Variants in MTMR10 observed in about 807,000 individuals in gnomAD.
The protein encoded by MTMR10 is myotubularin related protein 10.
A neutral mutation model predicts 88.1 loss-of-function variants in MTMR10; 56 were observed. The ratio of observed to expected loss-of-function variants is 0.64; its 90% CI spans 0.51 to 0.79. The LOEUF is 0.79. MTMR10 is among the 30% of genes least tolerant of loss of function. MTMR10 has a pLI of 0.00. For missense variants in MTMR10, 883 were observed against 924.7 expected (o/e 0.95, Z 0.58); for synonymous variants, 380 against 340.9 (o/e 1.11, Z -1.26).
intron 6 of MTMR10, chr15:30,966,094 A>G (rs986783499): frequency 1.3e-5 from 6 of 452,200 alleles, no homozygotes; most frequent in Admixed American, 4.7e-5. Context: ...GAATCTTAAC[A>G]AAACTATGGC....
rs527898060 is a variant in MTMR10 at position 30,982,252 on chromosome 15, T to C, written c.122-5297A>G. Among the ~76,000 whole-genome samples, 33 of 152,174 alleles carry C rather than the reference T, an allele frequency of 2.2e-4. No homozygotes were observed. The South Asian group carries it at 5.8e-3, about 27-fold the overall frequency. On this transcript the variant is annotated intron_variant, in intron 2 of 15. Coordinates refer to ENST00000435680, the MANE Select transcript of MTMR10 (RefSeq NM_017762.3). Reference sequence around the variant, plus strand: ...TGAACCTGAAACAGGTAAAGAACATTTGTGGAAAAACTAGGGAAATACGAA... The same window carrying C: ...TGAACCTGAAACAGGTAAAGAACATCTGTGGAAAAACTAGGGAAATACGAA...
At chr15:30,918,751 T>C in the MTMR10 span, among the ~76,000 whole-genome samples, 1 of 152,262 alleles carries the variant, frequency 6.6e-6, no homozygotes, top group African/African-American at 2.4e-5. Context: ...TTTATTTTGT[T>C]GAAAATGGTA....
At chr15:30,951,407 G>A (rs1333224255) in intron 12 of MTMR10, among the ~76,000 whole-genome samples, 1 of 152,150 alleles carries the variant, frequency 6.6e-6, no homozygotes, top group Non-Finnish European at 1.5e-5. Flanking sequence ...ATTAGGGGAT[G>A]GGACCCACCC....
chr15:30,923,938 T>C, the MTMR10 span, among the ~76,000 whole-genome samples: 1 of 152,204 alleles, frequency 6.6e-6, no homozygotes, highest in Non-Finnish European at 1.5e-5. Flanking sequence ...GTGTGACCAT[T>C]GCCTCTCCAC....
chr15:30,925,325 G>C, the MTMR10 span: 9 of 1,595,116 alleles, frequency 5.6e-6, no homozygotes, highest in Non-Finnish European at 7.7e-6. Flanking sequence ...TTTGGACTTA[G>C]GCGCGTGTAC....
chr15:30,954,707 C>G, intron 10 of MTMR10, 56 bp downstream of exon 10: 1 of 1,444,376 alleles, frequency 6.9e-7, no homozygotes, highest in Non-Finnish European at 9.2e-7. Flanking sequence ...TTCCTGACAT[C>G]TCATGCAACT....
the MTMR10 span, chr15:30,928,871 C>A: frequency 1.2e-6 from 1 of 819,748 alleles, no homozygotes; most frequent in Non-Finnish European, 1.5e-6. Flanking sequence ...TAGCCTCCAC[C>A]TTACATTTAG....
intron 14 of MTMR10, chr15:30,946,342 T>C (rs2063170894): frequency 5.5e-6 from 1 of 183,268 alleles, no homozygotes. Flanking sequence ...TAAGTGTTAG[T>C]TTGACAGATC....
intron 10 of MTMR10, 23 bp downstream of exon 10, chr15:30,954,740 A>G (rs1302589823): frequency 1.3e-6 from 2 of 1,575,288 alleles, no homozygotes; most frequent in Non-Finnish European, 1.7e-6. Flanking sequence ...TTCATTATAT[A>G]TATGAAATAA....
chr15:30,943,273 G>T, intron 14 of MTMR10: 1 of 985,388 alleles, frequency 1.0e-6, no homozygotes. Context: ...CATGAACAAG[G>T]AGTGTGCTTT....
At position 30,940,271 on chromosome 15, in the gene MTMR10, G is replaced by A. The variant is rs951838334; in HGVS notation, c.*1199C>T. 2.1e-6 allele frequency: 2 copies of A among 971,650 alleles called. No homozygotes were observed. The highest frequency in any genetic ancestry group is 2.4e-6 in the Non-Finnish European group (2 of 822,194). 60.2% of individuals were successfully genotyped at this position (971,650 alleles called of 1,614,324 possible). A position where few individuals can be genotyped will look rare whatever the true frequency, so the allele number is the denominator to read the frequency against. ...AGGTAGGCTCTTGTCACACAGTTTGGAAATACTTTACTTTAGAGAGATTCA... is the reference window on the plus strand; with the variant it reads ...AGGTAGGCTCTTGTCACACAGTTTGAAAATACTTTACTTTAGAGAGATTCA... On this transcript the variant is annotated 3_prime_UTR_variant, in exon 16 of 16. Transcript: ENST00000435680.
At chr15:30,981,816 T>A (rs1242213943) in intron 2 of MTMR10, among the ~76,000 whole-genome samples, 1 of 152,192 alleles carries the variant, frequency 6.6e-6, no homozygotes, top group Admixed American at 6.5e-5. Context: ...ATGCCTGTAA[T>A]CTTAGCACTT....
Position 30,941,290 on chromosome 15 carries a change from A to C in MTMR10, c.*180T>G, listed in dbSNP as rs1026362850. On this transcript the variant is annotated 3_prime_UTR_variant, in exon 16 of 16. Coordinates refer to ENST00000435680, the MANE Select transcript of MTMR10 (RefSeq NM_017762.3). The stretch of plus-strand genomic sequence containing the variant: ...GAAAGAGGACAGGAACAAAATTTAC[A>C]TCTCTCTTAAAATAAGTGTGAAAGA... 10 of 1,510,862 alleles carry C rather than the reference A, an allele frequency of 6.6e-6. No homozygotes were observed. The South Asian group carries it at 7.2e-5, about 11-fold the overall frequency. The allele number at this position is 1,510,862 out of a possible 1,614,324, so 93.6% of individuals were successfully genotyped here. A position where few individuals can be genotyped will look rare whatever the true frequency, so the allele number is the denominator to read the frequency against.
In MTMR10 at chr15:30,970,215, A is replaced by C. The variant is rs142584037; in HGVS notation, c.475-2205T>G. The stretch of plus-strand genomic sequence containing the variant: ...ACCTACAATGTTGTAAGCCCTAGAG[A>C]TGCAGTGAACAAAACAGACACTAAT... On this transcript the variant is annotated intron_variant, in intron 5 of 15. Transcript: ENST00000435680. Among the ~76,000 whole-genome samples, 17 of 152,284 alleles carry C rather than the reference A, an allele frequency of 1.1e-4. No homozygotes were observed. The East Asian group carries it at 3.1e-3, about 28-fold the overall frequency.
chr15:30,989,723 C>T (rs2031181637), intron 2 of MTMR10, among the ~76,000 whole-genome samples: 1 of 149,618 alleles, frequency 6.7e-6, no homozygotes, highest in Non-Finnish European at 1.5e-5. Flanking sequence ...GCTGGGACTA[C>T]AGGCGCCCGC....
chr15:30,980,517 T>G (rs1040254382), intron 2 of MTMR10, among the ~76,000 whole-genome samples: 1 of 152,254 alleles, frequency 6.6e-6, no homozygotes, highest in South Asian at 2.1e-4. Flanking sequence ...GGTTGGTACA[T>G]GTGTGTATGT....
intron 6 of MTMR10, among the ~76,000 whole-genome samples, chr15:30,967,163 A>G (rs768510497): frequency 6.6e-6 from 1 of 152,212 alleles, no homozygotes; most frequent in African/African-American, 2.4e-5. Flanking sequence ...CTTAAATAAA[A>G]GAACACAGGC....
At chr15:30,955,431 T>C (rs939622002) in intron 9 of MTMR10, among the ~76,000 whole-genome samples, 4 of 152,242 alleles carry the variant, frequency 2.6e-5, no homozygotes, top group Admixed American at 2.0e-4. Flanking sequence ...CCACCACACC[T>C]GGCTAAATTT....
chr15:30,962,621 C>A (rs999568012), intron 6 of MTMR10, among the ~76,000 whole-genome samples: 1 of 151,854 alleles, frequency 6.6e-6, no homozygotes, highest in African/African-American at 2.4e-5. Context: ...ATGAACATGT[C>A]ATGCTCATTC....
Sources: gnomAD v4.1 joint callset for allele counts (sites outside exome capture counted in the v4.1 genomes callset) on GRCh38, gnomAD v4.1.1 for gene constraint, MANE v1.5 for transcripts, NCBI Gene and HGNC (gene_info 2026-07-23, HGNC 2026-07-21) for gene names.